HACD2: variants seen among roughly 807,000 people sequenced by gnomAD.
HACD2 encodes the protein very-long-chain (3R)-3-hydroxyacyl-CoA dehydratase 2.
A neutral mutation model predicts 31.0 loss-of-function variants in HACD2; 15 were observed. That is an observed-to-expected ratio of 0.48 (90% confidence interval 0.32 to 0.75). The LOEUF (loss-of-function observed/expected upper bound fraction) is 0.75. Ranked by LOEUF, HACD2 falls within the 30% of genes least tolerant of loss-of-function variation. The pLI, the probability that HACD2 is intolerant of heterozygous loss-of-function variation, is 0.03. For synonymous variants in HACD2, 115 were observed against 122.2 expected (o/e 0.94, Z 0.39); for missense variants, 283 against 313.0 (o/e 0.90, Z 0.72).
At chr3:123,558,579 G>T (rs1047581684) in intron 3 of HACD2, among the ~76,000 whole-genome samples, 2 of 152,012 alleles carry the variant, frequency 1.3e-5, no homozygotes, top group Non-Finnish European at 2.9e-5. Context: ...TAAAAAAATA[G>T]CATATTTTTA....
In HACD2 at chr3:123,584,894, T is replaced by A; in HGVS notation, c.134A>T (p.Tyr45Phe). ...TCACCCGGCTGTCATCACCACATTG[T>A]AGATGACCAGGTACGCCGTGGCCAG... ...GPLATAYLVI[Y>F]NVVMTAGWLV... Residue 45 changes from tyrosine (Y) to phenylalanine (F), a missense_variant, in exon 1 of 7, where the codon TAC (tyrosine) becomes TTC (phenylalanine). This residue lies in a region of HACD2 where 158 missense variants were observed against 148.3 expected (regional missense o/e 1.07). Transcript: ENST00000383657. The A allele has an allele frequency of 6.6e-7, 1 of 1,525,262 alleles. No individual in the cohort carries two copies. Among genetic ancestry groups the A allele is most frequent in the Non-Finnish European group, 8.8e-7 (1 of 1,136,202 alleles). 94.5% of individuals were successfully genotyped at this position (1,525,262 alleles called of 1,614,324 possible).
intron 4 of HACD2, among the ~76,000 whole-genome samples, chr3:123,514,460 C>T (rs572367345): frequency 6.6e-5 from 10 of 152,134 alleles, no homozygotes; most frequent in South Asian, 4.2e-4. Flanking sequence ...GCAACCACTC[C>T]GGGGGTACAA....
intron 3 of HACD2, among the ~76,000 whole-genome samples, chr3:123,534,231 T>A (rs2056398922): frequency 6.6e-6 from 1 of 152,142 alleles, no homozygotes; most frequent in African/African-American, 2.4e-5. Context: ...TGGCTATACC[T>A]GACAAAGACC....
At chr3:123,573,485 A>G (rs1160704877) in intron 2 of HACD2, among the ~76,000 whole-genome samples, 1 of 152,202 alleles carries the variant, frequency 6.6e-6, no homozygotes, top group Non-Finnish European at 1.5e-5. Flanking sequence ...CAGCTCCACT[A>G]GAGAGGTTTC....
At chr3:123,558,195 A>G (rs1179572838) in intron 3 of HACD2, among the ~76,000 whole-genome samples, 1 of 152,234 alleles carries the variant, frequency 6.6e-6, no homozygotes. Context: ...ATACTGTATG[A>G]CATTCTGGAA....
At chr3:123,551,062 G>A (rs2056614624) in intron 3 of HACD2, among the ~76,000 whole-genome samples, 1 of 152,182 alleles carries the variant, frequency 6.6e-6, no homozygotes, top group African/African-American at 2.4e-5. Context: ...TTTTCAGTAA[G>A]GTAAGAAACT....
At chr3:123,549,004 C>T (rs1323667784) in intron 3 of HACD2, among the ~76,000 whole-genome samples, 1 of 149,442 alleles carries the variant, frequency 6.7e-6, no homozygotes, top group East Asian at 1.9e-4. Context: ...TTTGTTCACT[C>T]TCTGAAAGCA....
intron 3 of HACD2, among the ~76,000 whole-genome samples, chr3:123,558,797 T>C (rs2056697986): frequency 6.6e-6 from 1 of 152,226 alleles, no homozygotes; most frequent in Admixed American, 6.5e-5. Flanking sequence ...TTTCACTTTT[T>C]GGTTCAACAG....
chr3:123,521,810 A>G (rs968916179), intron 4 of HACD2, among the ~76,000 whole-genome samples: 1 of 152,226 alleles, frequency 6.6e-6, no homozygotes, highest in Non-Finnish European at 1.5e-5. Context: ...TATAAAGTAC[A>G]GTATAAAGTG....
At chr3:123,551,493 C>T (rs915550487) in intron 3 of HACD2, among the ~76,000 whole-genome samples, 13 of 151,840 alleles carry the variant, frequency 8.6e-5, no homozygotes, top group African/African-American at 2.4e-4. Context: ...GGCATGGTGG[C>T]GAGTGCCTGT....
chr3:123,516,028 G>A (rs1467211317), intron 4 of HACD2, among the ~76,000 whole-genome samples: 2 of 152,072 alleles, frequency 1.3e-5, no homozygotes, highest in African/African-American at 4.8e-5. Context: ...CCAGAGTGCT[G>A]GGATTACAGG....
chr3:123,584,832 C>T (rs1257574742), intron 1 of HACD2, 41 bp downstream of exon 1: 6 of 1,443,256 alleles, frequency 4.2e-6, no homozygotes, highest in African/African-American at 3.0e-5. Context: ...GCTCCCTCCC[C>T]GGCCGCGCTG....
chr3:123,523,427 T>A (rs72968512), intron 4 of HACD2, among the ~76,000 whole-genome samples: 1 of 152,094 alleles, frequency 6.6e-6, no homozygotes, highest in Non-Finnish European at 1.5e-5. Context: ...TTCTCATATA[T>A]CCTTCTCACT....
chr3:123,533,213 ATCATGGCTCACTGCAGCC>A (rs369535008), intron 3 of HACD2, among the ~76,000 whole-genome samples: 4,555 of 152,324 alleles, frequency 0.03, 76 homozygotes, highest in Middle Eastern at 0.088. Context: ...CAGTGGCACA[ATCATGGCTCACTGCAGCC>A]TCAACCTCCT....
At chr3:123,521,137 T>C (rs1277292712) in intron 4 of HACD2, among the ~76,000 whole-genome samples, 1 of 152,076 alleles carries the variant, frequency 6.6e-6, no homozygotes, top group African/African-American at 2.4e-5. Context: ...GAGAATGTAT[T>C]CCAACAAGCT....
intron 2 of HACD2, among the ~76,000 whole-genome samples, chr3:123,580,899 A>T (rs973779577): frequency 1.4e-5 from 2 of 139,106 alleles, no homozygotes; most frequent in Non-Finnish European, 3.0e-5. Context: ...TCTGTTGCCC[A>T]GGCTGGAGTA....
intron 3 of HACD2, among the ~76,000 whole-genome samples, chr3:123,554,194 T>C (rs943827704): frequency 5.4e-4 from 2 of 3,708 alleles, no homozygotes; most frequent in Non-Finnish European, 1.7e-3. Context: ...AGTTTAAAAA[T>C]GGGAGAAGGG....
At chr3:123,543,637 C>A in intron 3 of HACD2, 1 of 389,422 alleles carries the variant, frequency 2.6e-6, no homozygotes. Context: ...GATCACATAA[C>A]AAAATGGAAA....
At chr3:123,539,087 A>T (rs1327765810) in intron 3 of HACD2, among the ~76,000 whole-genome samples, 1 of 152,146 alleles carries the variant, frequency 6.6e-6, no homozygotes, top group Non-Finnish European at 1.5e-5. Flanking sequence ...TGGAATATTG[A>T]TTTTCCCTGA....
Sources: allele counts gnomAD v4.1 joint callset (sites outside exome capture counted in the v4.1 genomes callset), GRCh38; gene constraint gnomAD v4.1.1; regional missense constraint gnomAD v4.1.1; transcripts MANE v1.5; gene names NCBI Gene and HGNC (gene_info 2026-07-23, HGNC 2026-07-21).